SEMA3A: variants seen among roughly 807,000 people sequenced by gnomAD.
SEMA3A encodes semaphorin 3A, also known as semaphorin-3A.
In SEMA3A, 29 loss-of-function variants were observed where a neutral mutation model predicts 97.9. The observed-to-expected ratio is 0.30, with a 90% CI of 0.22 to 0.40. The LOEUF (loss-of-function observed/expected upper bound fraction) is 0.40, where lower values mean the gene tolerates loss of function less well. Among genes scored for constraint, SEMA3A ranks in the 10% least tolerant of loss-of-function variants. The probability of loss-of-function intolerance (pLI) is 1.00; values close to 1 mark genes in which losing one functional copy is unlikely to be tolerated. For missense variants in SEMA3A, 763 were observed against 951.3 expected, an observed-to-expected ratio of 0.80 and a Z score of 2.60; for synonymous variants, 321 against 323.7, an observed-to-expected ratio of 0.99 and a Z score of 0.09.
intron 14 of SEMA3A, among the ~76,000 whole-genome samples, chr7:83,977,788 C>CTTTTTT (rs139682272): frequency 7.1e-6 from 1 of 141,084 alleles, no homozygotes; most frequent in Non-Finnish European, 1.5e-5. Flanking sequence ...TCAACCTATC[C>CTTTTTT]TTTTTTTTTT....
chr7:84,130,583 T>G (rs1448598254), intron 2 of SEMA3A, among the ~76,000 whole-genome samples: 1 of 152,142 alleles, frequency 6.6e-6, no homozygotes, highest in Non-Finnish European at 1.5e-5. Flanking sequence ...CATAAAAACA[T>G]TCAAGAATTC....
At chr7:84,047,962 T>C (rs1583869053) in intron 5 of SEMA3A, among the ~76,000 whole-genome samples, 1 of 151,868 alleles carries the variant, frequency 6.6e-6, no homozygotes, top group African/African-American at 2.4e-5. Context: ...TCCAGAACAG[T>C]GGAGAAAAGC....
intron 6 of SEMA3A, among the ~76,000 whole-genome samples, chr7:84,022,846 CG>C (rs1157716994): frequency 2.4e-4 from 37 of 152,188 alleles, no homozygotes; most frequent in South Asian, 1.5e-3. Context: ...ACAGATACCA[CG>C]GCCATTTTGC....
chr7:84,431,131 A>G (rs927018105), intron 1 of SEMA3A, among the ~76,000 whole-genome samples: 1 of 152,012 alleles, frequency 6.6e-6, no homozygotes, highest in African/African-American at 2.4e-5. Context: ...GATTGCTACT[A>G]TGTGCAGCTA....
At chr7:84,408,391 C>A (rs1352969679) in intron 1 of SEMA3A, among the ~76,000 whole-genome samples, 3 of 151,772 alleles carry the variant, frequency 2.0e-5, no homozygotes, top group Non-Finnish European at 1.5e-5. Context: ...AGTCAGGAAA[C>A]AACAGGTGCT....
chr7:84,474,491 T>C (rs1426287228), intron 1 of SEMA3A, among the ~76,000 whole-genome samples: 3 of 152,196 alleles, frequency 2.0e-5, no homozygotes, highest in East Asian at 3.8e-4. Flanking sequence ...TTTGAAATAC[T>C]TAATGACTAC....
chr7:84,150,797 A>G (rs1342450276), intron 1 of SEMA3A, among the ~76,000 whole-genome samples: 1 of 152,064 alleles, frequency 6.6e-6, no homozygotes, highest in African/African-American at 2.4e-5. Flanking sequence ...GGGCACAGAC[A>G]AACAAAAAGA....
chr7:84,442,044 A>C (rs1805286003), intron 1 of SEMA3A, among the ~76,000 whole-genome samples: 7 of 152,200 alleles, frequency 4.6e-5, no homozygotes, highest in Admixed American at 4.6e-4. Flanking sequence ...AGTAACTCAA[A>C]GACATATGAA....
chr7:84,037,485 A>C (rs534835889), intron 6 of SEMA3A, among the ~76,000 whole-genome samples: 1 of 152,152 alleles, frequency 6.6e-6, no homozygotes, highest in Non-Finnish European at 1.5e-5. Context: ...ATGCCACCAT[A>C]CCTGCCTAAT....
intron 5 of SEMA3A, among the ~76,000 whole-genome samples, chr7:84,055,591 T>C (rs1193541400): frequency 1.3e-5 from 2 of 152,184 alleles, no homozygotes; most frequent in Non-Finnish European, 2.9e-5. Context: ...CCCACTGACC[T>C]GCGCCCACTG....
chr7:84,371,997 T>G (rs1802988616), intron 1 of SEMA3A: 1 of 152,066 alleles, frequency 6.6e-6, no homozygotes, highest in African/African-American at 2.4e-5. Flanking sequence ...AAAAGCACAC[T>G]TCTGTCCTAT....
At chr7:84,455,525 T>C (rs1240784134) in intron 1 of SEMA3A, among the ~76,000 whole-genome samples, 3 of 151,922 alleles carry the variant, frequency 2.0e-5, no homozygotes, top group Non-Finnish European at 4.4e-5. Context: ...GTAACATATA[T>C]TACATGTTAA....
At chr7:84,369,210 T>A (rs1419138173) in intron 2 of SEMA3A, among the ~76,000 whole-genome samples, 2 of 151,108 alleles carry the variant, frequency 1.3e-5, no homozygotes, top group Admixed American at 6.6e-5. Context: ...ATGTCTGGAA[T>A]CTTTCTTATA....
At chr7:84,441,943 T>C (rs1248995752) in intron 1 of SEMA3A, among the ~76,000 whole-genome samples, 1 of 152,128 alleles carries the variant, frequency 6.6e-6, no homozygotes, top group Non-Finnish European at 1.5e-5. Flanking sequence ...CATTCCCAGA[T>C]AAACAAAAGT....
chr7:84,034,156 G>A (rs1484620417), intron 6 of SEMA3A, among the ~76,000 whole-genome samples: 3 of 151,728 alleles, frequency 2.0e-5, no homozygotes, highest in African/African-American at 4.8e-5. Flanking sequence ...GCTGATTTTC[G>A]TATTTTTAAT....
At chr7:84,366,692 G>T (rs2116085271) in intron 2 of SEMA3A, among the ~76,000 whole-genome samples, 1 of 151,370 alleles carries the variant, frequency 6.6e-6, no homozygotes, top group East Asian at 1.9e-4. Context: ...AATTACTTAA[G>T]TCTCCCCAAG....
chr7:84,175,287 A>G (rs987427969), intron 1 of SEMA3A, among the ~76,000 whole-genome samples: 37 of 152,358 alleles, frequency 2.4e-4, no homozygotes, highest in Middle Eastern at 6.8e-3. Context: ...CCAATAATGA[A>G]TATCCATTAA....
chr7:84,432,427 C>T (rs1328130803), intron 1 of SEMA3A, among the ~76,000 whole-genome samples: 2 of 151,952 alleles, frequency 1.3e-5, no homozygotes, highest in African/African-American at 4.8e-5. Flanking sequence ...GGTACATGTG[C>T]ATGTTTGGTA....
At chr7:84,008,988 G>T (rs1368415537) in intron 9 of SEMA3A, among the ~76,000 whole-genome samples, 1 of 152,118 alleles carries the variant, frequency 6.6e-6, no homozygotes. Flanking sequence ...TAAGGAGTAT[G>T]ATAGGTAGCT....
Sources: gnomAD v4.1 joint callset for allele counts (sites outside exome capture counted in the v4.1 genomes callset) on GRCh38, gnomAD v4.1.1 for gene constraint, MANE v1.5 for transcripts, NCBI Gene and HGNC (gene_info 2026-07-23, HGNC 2026-07-21) for gene names.